Variants in UGT2B4 observed in about 807,000 individuals in gnomAD.
The protein encoded by UGT2B4 is UDP glucuronosyltransferase family 2 member B4.
UGT2B4 carries 49 observed loss-of-function variants against 49.8 expected under a neutral mutation model. The observed-to-expected ratio is 0.98, with a 90% CI of 0.78 to 1.25. The LOEUF is 1.25. Among genes scored for constraint, UGT2B4 ranks in the 50% most tolerant of loss-of-function variants. The pLI, the probability that UGT2B4 is intolerant of heterozygous loss-of-function variation, is 0.00. For synonymous variants in UGT2B4, 246 were observed against 217.7 expected (o/e 1.13, Z -1.14); for missense variants, 729 against 627.7 (o/e 1.16, Z -1.73).
At position 69,486,668 on chromosome 4, in the gene UGT2B4, G is replaced by T; in HGVS notation, c.1031C>A (p.Pro344Gln). The part of the protein sequence containing the change: ...KVLWRFDGNK[P>Q]DTLGLNTRLY... ...CCGAGTATTGAGTCCTAAAGTATCT[G>T]GTTTATTCCCATCAAATCTCCACAG... is the stretch of plus-strand genomic sequence containing the variant. Residue 344 changes from proline (P) to glutamine (Q), a missense_variant, in exon 4 of 6, where the codon CCA becomes CAA. Physicochemically the swap from Pro to Gln is moderately conservative, Grantham distance 76 (BLOSUM62 -1). Transcript: ENST00000305107. The T allele has an allele frequency of 6.2e-7, 1 of 1,607,658 alleles. No homozygotes were observed. Among genetic ancestry groups the T allele is most frequent in the Non-Finnish European group, 8.5e-7 (1 of 1,177,920 alleles).
At chr4:69,500,543 G>GA, upstream of UGT2B4, among the ~76,000 whole-genome samples, 1 of 145,644 alleles carries the variant, frequency 6.9e-6, no homozygotes, top group Non-Finnish European at 1.5e-5. Flanking sequence ...AAGAAAGAAA[G>GA]AAAGACAAGA....
At chr4:69,502,930 G>A (rs576444750) in intron 1 of UGT2B4, among the ~76,000 whole-genome samples, 68 of 152,212 alleles carry the variant, frequency 4.5e-4, no homozygotes, top group Non-Finnish European at 7.5e-4. Context: ...ACAGAACAGC[G>A]TCTCCATCCT....
chr4:69,494,307 A>G, intron 1 of UGT2B4, among the ~76,000 whole-genome samples: 1 of 152,130 alleles, frequency 6.6e-6, no homozygotes, highest in East Asian at 1.9e-4. Flanking sequence ...ACTGTTGATT[A>G]TTTTGAAATG....
At chr4:69,525,162 A>T (rs2195842) in intron 1 of UGT2B4, among the ~76,000 whole-genome samples, 144,305 of 152,224 alleles carry the variant, frequency 0.95, 68,881 homozygotes, top group East Asian at 1. Context: ...GTTTGTTTGT[A>T]TGTTTTGTTT....
upstream of UGT2B4, among the ~76,000 whole-genome samples, chr4:69,498,083 G>A (rs775252747): frequency 2.0e-5 from 3 of 152,172 alleles, no homozygotes; most frequent in Non-Finnish European, 2.9e-5. Context: ...TTTAATTAAG[G>A]TGTGTACTTT....
intron 1 of UGT2B4, among the ~76,000 whole-genome samples, chr4:69,501,872 C>G (rs548921863): frequency 6.6e-6 from 1 of 152,302 alleles, no homozygotes; most frequent in African/African-American, 2.4e-5. Flanking sequence ...CCACGTAGCT[C>G]TGTGTGTCAC....
chr4:69,495,001 G>C (rs1728102828), intron 1 of UGT2B4, 140 bp downstream of exon 1: 5 of 770,764 alleles, frequency 6.5e-6, no homozygotes, highest in Non-Finnish European at 9.5e-6. Flanking sequence ...TTGTGAGTTT[G>C]GTAGATCATC....
intron 1 of UGT2B4, among the ~76,000 whole-genome samples, chr4:69,520,525 GA>G (rs1728824643): frequency 6.6e-6 from 1 of 152,242 alleles, no homozygotes; most frequent in Non-Finnish European, 1.5e-5. Flanking sequence ...CCCTGCTCCT[GA>G]AAGCTCAGAA....
intron 1 of UGT2B4, among the ~76,000 whole-genome samples, chr4:69,522,915 C>G (rs28799896): frequency 0.35 from 53,381 of 151,914 alleles, 9,455 homozygotes; most frequent in Non-Finnish European, 0.37. Context: ...AATGTTCAGA[C>G]CATTTTCACC....
rs1577888383 is a variant in UGT2B4 at position 69,493,738 on chromosome 4, C to A, written c.825G>T (p.Glu275Asp). 1 of 1,611,324 alleles carries A rather than the reference C, an allele frequency of 6.2e-7. No individual in the cohort carries two copies. The highest frequency in any genetic ancestry group is 8.5e-7 in the Non-Finnish European group (1 of 1,178,788). ...GTTTGCAGTGGAGTCCTCCAACGAACTCAACATTTGGTAAGAGTGGGTGAG... is the reference window on the plus strand; with the variant it reads ...GTTTGCAGTGGAGTCCTCCAACGAAATCAACATTTGGTAAGAGTGGGTGAG... ...QFPHPLLPNV[E>D]FVGGLHCKPA... Residue 275 changes from glutamate (E) to aspartate (D), a missense_variant, in exon 2 of 6, where the codon GAG (glutamate) becomes GAT (aspartate). Transcript: ENST00000305107.
chr4:69,491,067 A>AT (rs1727971063), intron 2 of UGT2B4, among the ~76,000 whole-genome samples: 1 of 152,116 alleles, frequency 6.6e-6, no homozygotes. Flanking sequence ...TTGTCGAGAG[A>AT]TGTCACCTTG....
chr4:69,481,241 C>T lies in UGT2B4; in HGVS notation c.1311-331G>A, dbSNP rs192428385. ...CCACAATCACACCACTGCACTCCAG[C>T]CTGGTGACAGAGTGAGACTTCCCTC... On this transcript the variant is annotated intron_variant, in intron 5 of 5. Coordinates refer to ENST00000305107, the MANE Select transcript of UGT2B4 (RefSeq NM_021139.3). Among the ~76,000 whole-genome samples the T allele has an allele frequency of 2.7e-4, 41 of 152,152 alleles. No homozygotes were observed. The East Asian group carries it at 7.9e-3, about 29-fold the overall frequency.
At chr4:69,503,448 G>A (rs573935151) in intron 1 of UGT2B4, among the ~76,000 whole-genome samples, 1 of 152,280 alleles carries the variant, frequency 6.6e-6, no homozygotes, top group African/African-American at 2.4e-5. Flanking sequence ...ATCTGCATGA[G>A]TGAGTTTAGC....
intron 1 of UGT2B4, among the ~76,000 whole-genome samples, chr4:69,521,675 T>A (rs1378535061): frequency 1.3e-5 from 2 of 151,998 alleles, no homozygotes; most frequent in Admixed American, 6.6e-5. Flanking sequence ...CTGGGCCAAG[T>A]GGGTAGAATG....
At position 69,489,508 on chromosome 4, in the gene UGT2B4, C is replaced by A. The variant is rs369241306; in HGVS notation, c.933G>T (p.Ser311=). Residue 311 remains serine (S), a synonymous_variant, in exon 3 of 6, where the codon TCG becomes TCT. Transcript: ENST00000305107. ...TTTCTTCTGACGTGTTACTGACCAT[C>A]GACCCCAGAGAAAACACCACAACAC... The part of the protein sequence containing the change: ...ENGVVVFSLG[S]MVSNTSEERA... The A allele has an allele frequency of 5.0e-6, 8 of 1,611,662 alleles. No homozygotes were observed. The highest frequency in any genetic ancestry group is 6.8e-6 in the Non-Finnish European group (8 of 1,178,572).
upstream of UGT2B4, among the ~76,000 whole-genome samples, chr4:69,497,237 C>A (rs1266080114): frequency 2.0e-5 from 3 of 152,192 alleles, no homozygotes; most frequent in Non-Finnish European, 4.4e-5. Flanking sequence ...AAGGACCCCA[C>A]AAGGAGCTGA....
intron 1 of UGT2B4, among the ~76,000 whole-genome samples, chr4:69,523,601 G>A (rs1373043095): frequency 6.6e-6 from 1 of 152,090 alleles, no homozygotes; most frequent in East Asian, 1.9e-4. Context: ...ACACAAAGCA[G>A]ATTTATCATA....
At chr4:69,493,956 GA>G (rs1324695376) in intron 1 of UGT2B4, 115 bp from the exon 2 acceptor site, 92 of 1,157,068 alleles carry the variant, frequency 8.0e-5, no homozygotes, top group Middle Eastern at 4.1e-4. Flanking sequence ...TTTGTGCCTT[GA>G]AAAAAAATAC....
intron 5 of UGT2B4, among the ~76,000 whole-genome samples, chr4:69,481,774 T>C (rs764348046): frequency 7.2e-4 from 110 of 152,338 alleles, no homozygotes; most frequent in Non-Finnish European, 1.5e-3. Flanking sequence ...ATTTGAGAAT[T>C]ATCATCTTTA....
Sources: allele counts gnomAD v4.1 joint callset (sites outside exome capture counted in the v4.1 genomes callset), GRCh38; gene constraint gnomAD v4.1.1; transcripts MANE v1.5; gene names NCBI Gene and HGNC (gene_info 2026-07-23, HGNC 2026-07-21).